The following CCDC33 variants were observed in gnomAD, a reference collection of about 807,000 sequenced individuals.
CCDC33 encodes coiled-coil domain-containing protein 33.
CCDC33 carries 94 observed loss-of-function variants against 91.9 expected under a neutral mutation model. The ratio of observed to expected loss-of-function variants is 1.02; its 90% CI spans 0.87 to 1.21. The LOEUF (loss-of-function observed/expected upper bound fraction) is 1.21, where lower values mean the gene tolerates loss of function less well. CCDC33 is among the 50% of genes most tolerant of loss of function. The pLI, the probability that CCDC33 is intolerant of heterozygous loss-of-function variation, is 0.00. For missense variants in CCDC33, 940 were observed against 935.5 expected (o/e 1.00, Z -0.06); for synonymous variants, 396 against 374.5 (o/e 1.06, Z -0.66).
At chr15:74,324,763 G>A (rs910136620) in intron 11 of CCDC33, among the ~76,000 whole-genome samples, 3 of 151,304 alleles carry the variant, frequency 2.0e-5, no homozygotes, top group Admixed American at 2.0e-4. Flanking sequence ...GGCCCTGCAG[G>A]TACCTCACCC....
chr15:74,288,990 A>G (rs2059533029), intron 10 of CCDC33, among the ~76,000 whole-genome samples: 1 of 152,200 alleles, frequency 6.6e-6, no homozygotes, highest in Non-Finnish European at 1.5e-5. Context: ...ATGCTCGGTA[A>G]AGGGATCTCT....
intron 11 of CCDC33, among the ~76,000 whole-genome samples, chr15:74,304,927 C>T (rs1213736952): frequency 6.7e-6 from 1 of 150,088 alleles, no homozygotes; most frequent in Non-Finnish European, 1.5e-5. Context: ...TGGGCCTGAA[C>T]CTGCTTCTGC....
intron 2 of CCDC33, among the ~76,000 whole-genome samples, chr15:74,261,537 C>T (rs1296039283): frequency 1.3e-5 from 2 of 152,204 alleles, no homozygotes; most frequent in Non-Finnish European, 2.9e-5. Flanking sequence ...TTGCCTCCCT[C>T]CGCAAGGTGT....
intron 3 of CCDC33, among the ~76,000 whole-genome samples, chr15:74,266,321 T>C (rs2076164629): frequency 6.6e-6 from 1 of 152,220 alleles, no homozygotes; most frequent in Non-Finnish European, 1.5e-5. Context: ...AGAGGTGCTA[T>C]GCCTGCTTGC....
intron 2 of CCDC33, among the ~76,000 whole-genome samples, chr15:74,262,105 C>T (rs940119542): frequency 6.6e-6 from 1 of 152,186 alleles, no homozygotes; most frequent in African/African-American, 2.4e-5. Flanking sequence ...CACACGGGCT[C>T]CTGCTGGAGA....
At chr15:74,307,688 G>A (rs570394626) in intron 11 of CCDC33, among the ~76,000 whole-genome samples, 2 of 151,644 alleles carry the variant, frequency 1.3e-5, no homozygotes, top group South Asian at 4.2e-4. Flanking sequence ...GTTCCACCTG[G>A]AACATTTGAG....
intron 1 of CCDC33, among the ~76,000 whole-genome samples, chr15:74,206,058 G>T (rs1017098691): frequency 6.6e-6 from 1 of 152,210 alleles, no homozygotes; most frequent in Non-Finnish European, 1.5e-5. Flanking sequence ...CTCTCTGTGG[G>T]TCTCACTGTC....
upstream of CCDC33, among the ~76,000 whole-genome samples, chr15:74,234,041 C>T (rs2075066947): frequency 6.6e-6 from 1 of 152,154 alleles, no homozygotes; most frequent in South Asian, 2.1e-4. Flanking sequence ...AGACTCCAGG[C>T]CCCAGACATG....
chr15:74,210,174 A>T (rs922685780), intron 2 of CCDC33, among the ~76,000 whole-genome samples: 30 of 152,188 alleles, frequency 2.0e-4, no homozygotes, highest in Non-Finnish European at 4.3e-4. Context: ...ATAAAGAGAA[A>T]ATTAACCTTT....
intron 2 of CCDC33, among the ~76,000 whole-genome samples, chr15:74,249,843 T>C (rs2075650644): frequency 2.0e-5 from 3 of 152,154 alleles, no homozygotes; most frequent in Admixed American, 1.3e-4. Flanking sequence ...ATTTGTTTAT[T>C]ACACAGAGGC....
Position 74,335,093 on chromosome 15 carries a change from G to C in CCDC33, c.2139+5G>C. 6.2e-7 allele frequency: 1 copy of C among 1,608,610 alleles called. No homozygotes were observed. ...TCCATCATCATAGAACAGCCTGTGA[G>C]TGACCCCCCTGGAGTAGCTCCCAGG... On this transcript the variant is annotated splice_donor_5th_base_variant and intron_variant, in intron 18 of 18. Transcript: ENST00000398814.
intron 12 of CCDC33, 95 bp downstream of exon 12, chr15:74,330,449 T>C: frequency 7.3e-7 from 1 of 1,362,810 alleles, no homozygotes; most frequent in Non-Finnish European, 9.9e-7. Flanking sequence ...CTCCCAGATG[T>C]GCATGCTGCT....
chr15:74,233,169 A>G (rs2075037780), upstream of CCDC33, among the ~76,000 whole-genome samples: 1 of 152,202 alleles, frequency 6.6e-6, no homozygotes, highest in African/African-American at 2.4e-5. Context: ...CCTGGTCCAC[A>G]GCAACACCTC....
intron 11 of CCDC33, among the ~76,000 whole-genome samples, chr15:74,317,595 G>A (rs1047060406): frequency 6.6e-6 from 1 of 152,192 alleles, no homozygotes; most frequent in Admixed American, 6.5e-5. Context: ...AGGCCCCAAA[G>A]AACACTGTAA....
intron 11 of CCDC33, chr15:74,311,572 T>C (rs1008959283): frequency 1.1e-4 from 17 of 152,190 alleles, no homozygotes; most frequent in African/African-American, 3.9e-4. Context: ...CCATGGGAGT[T>C]GCGGGGCATC....
chr15:74,266,872 A>G, intron 4 of CCDC33, 85 bp downstream of exon 4: 1 of 972,196 alleles, frequency 1.0e-6, no homozygotes, highest in Non-Finnish European at 1.6e-6. Context: ...AGCAGCCCTG[A>G]GCATCCCACA....
chr15:74,277,476 T>A (rs1022103430), intron 7 of CCDC33, among the ~76,000 whole-genome samples: 2 of 152,050 alleles, frequency 1.3e-5, no homozygotes, highest in African/African-American at 4.8e-5. Flanking sequence ...TGGCTGGGGG[T>A]TAATGGCTTT....
chr15:74,333,485 C>T (rs190397491), intron 16 of CCDC33, among the ~76,000 whole-genome samples: 1 of 152,290 alleles, frequency 6.6e-6, no homozygotes, highest in African/African-American at 2.4e-5. Flanking sequence ...CAGGACTCGC[C>T]GGAGGTGAGT....
At chr15:74,317,867 G>A (rs1431485619) in intron 11 of CCDC33, among the ~76,000 whole-genome samples, 3 of 148,844 alleles carry the variant, frequency 2.0e-5, no homozygotes, top group East Asian at 2.0e-4. Context: ...TCTAGGTGGC[G>A]GGCTGGCTTG....
Sources: allele counts gnomAD v4.1 joint callset (sites outside exome capture counted in the v4.1 genomes callset), GRCh38; gene constraint gnomAD v4.1.1; transcripts MANE v1.5; gene names NCBI Gene and HGNC (gene_info 2026-07-23, HGNC 2026-07-21).